Variants in ACACA observed in about 807,000 individuals in gnomAD.
ACACA encodes the protein acetyl-CoA carboxylase 1.
ACACA carries 103 observed loss-of-function variants against 296.1 expected under a neutral mutation model. The ratio of observed to expected loss-of-function variants is 0.35; its 90% CI spans 0.30 to 0.41. The LOEUF (loss-of-function observed/expected upper bound fraction) is 0.41. Ranked by LOEUF, ACACA falls within the 10% of genes least tolerant of loss-of-function variation. The probability of loss-of-function intolerance (pLI) is 1.00; values close to 1 mark genes in which losing one functional copy is unlikely to be tolerated. For missense variants in ACACA, 1,554 were observed against 2,989.7 expected, an observed-to-expected ratio of 0.52 and a Z score of 11.20; for synonymous variants, 953 against 1,038.6, an observed-to-expected ratio of 0.92 and a Z score of 1.58.
At chr17:37,296,273 T>C (rs1488991092) in intron 3 of ACACA, among the ~76,000 whole-genome samples, 2 of 148,984 alleles carry the variant, frequency 1.3e-5, no homozygotes, top group African/African-American at 5.0e-5. Context: ...CCTCACAGAG[T>C]GGAAGGGGAA....
chr17:37,181,701 C>T (rs2077325482), intron 39 of ACACA, among the ~76,000 whole-genome samples: 1 of 151,742 alleles, frequency 6.6e-6, no homozygotes, highest in African/African-American at 2.4e-5. Context: ...AGATCGAGAC[C>T]ATCCTGGCTA....
intron 40 of ACACA, 104 bp from the exon 41 acceptor site, chr17:37,179,510 G>GTTC: frequency 8.1e-7 from 1 of 1,239,010 alleles, no homozygotes; most frequent in Non-Finnish European, 1.2e-6. Context: ...TTTTCCAAGT[G>GTTC]TTCTGCAGAG....
In ACACA at chr17:37,097,959, C is replaced by T; in HGVS notation, c.6591G>A (p.Glu2197=). The change falls in exon 53 of 56, where the codon GAG becomes GAA. Residue 2197 remains glutamate, a synonymous_variant. Coordinates refer to ENST00000616317, the MANE Select transcript of ACACA (RefSeq NM_198834.3). This position sits in a 1 kb window ranked among gnomAD's most constrained non-coding sequence, Gnocchi z 4.8. The part of the protein sequence containing the change: ...RLGTPELSTA[E]RKELENKLKE... ...TCAACTTGTTCTCCAACTCCTTCCGCTCAGCTGTGCTTAGCTCTGGGGTCC... is the reference window on the plus strand; with the variant it reads ...TCAACTTGTTCTCCAACTCCTTCCGTTCAGCTGTGCTTAGCTCTGGGGTCC... 6.2e-6 allele frequency: 10 copies of T among 1,614,194 alleles called. No individual in the cohort carries two copies. Among genetic ancestry groups the T allele is most frequent in the Non-Finnish European group, 7.6e-6 (9 of 1,180,032 alleles).
intron 3 of ACACA, among the ~76,000 whole-genome samples, chr17:37,302,494 GCCA>G (rs1051530719): frequency 3.3e-5 from 5 of 152,060 alleles, no homozygotes; most frequent in African/African-American, 1.2e-4. Context: ...ACAGGCGTGA[GCCA>G]CCACACCCGG....
chr17:37,343,045 T>C (rs1387786293), intron 1 of ACACA, among the ~76,000 whole-genome samples: 1 of 152,172 alleles, frequency 6.6e-6, no homozygotes, highest in Admixed American at 6.5e-5. Context: ...TGGCACGATC[T>C]CAGCTCAATG....
chr17:37,167,644 G>A (rs1332450932), intron 41 of ACACA, among the ~76,000 whole-genome samples: 8 of 128,522 alleles, frequency 6.2e-5, no homozygotes, highest in African/African-American at 1.8e-4. Flanking sequence ...CTTTACTAGA[G>A]AAATTAAGGA....
At chr17:37,353,978 T>C (rs893004501) in intron 1 of ACACA, among the ~76,000 whole-genome samples, 2 of 152,122 alleles carry the variant, frequency 1.3e-5, no homozygotes, top group African/African-American at 4.8e-5. Flanking sequence ...CATGGTGACA[T>C]GTGCCTGCGA....
chr17:37,165,483 A>G (rs2076630429), intron 41 of ACACA, among the ~76,000 whole-genome samples: 1 of 152,160 alleles, frequency 6.6e-6, no homozygotes, highest in Admixed American at 6.5e-5. Context: ...TAAACACACT[A>G]TTAGAAGCAG....
chr17:37,320,380 G>A (rs565692516), intron 3 of ACACA, among the ~76,000 whole-genome samples: 127 of 150,926 alleles, frequency 8.4e-4, no homozygotes, highest in Non-Finnish European at 1.5e-3. Context: ...GCATGGTGGC[G>A]CACACCTGTT....
intron 1 of ACACA, among the ~76,000 whole-genome samples, chr17:37,400,428 A>G (rs776027803): frequency 6.6e-6 from 1 of 152,198 alleles, no homozygotes; most frequent in African/African-American, 2.4e-5. Context: ...CCTCAAGTAT[A>G]TATTTTTAAC....
intron 29 of ACACA, among the ~76,000 whole-genome samples, chr17:37,214,687 C>T (rs948321022): frequency 6.6e-6 from 1 of 152,186 alleles, no homozygotes; most frequent in Non-Finnish European, 1.5e-5. Flanking sequence ...AGCTGAGCCA[C>T]GGATACAGGA....
intron 1 of ACACA, among the ~76,000 whole-genome samples, chr17:37,352,465 C>A (rs947560676): frequency 2.6e-5 from 4 of 152,034 alleles, no homozygotes; most frequent in African/African-American, 9.7e-5. Context: ...ATAATCTCAA[C>A]ACTTTGGGAG....
chr17:37,252,251 T>C (rs2081029060), intron 15 of ACACA, 143 bp from the exon 16 acceptor site: 3 of 729,904 alleles, frequency 4.1e-6, no homozygotes, highest in Non-Finnish European at 7.4e-6. Context: ...ATTTTTTAGA[T>C]AAAAATGAAC....
At chr17:37,305,904 G>GTTTTTTTTT (rs200591761) in intron 3 of ACACA, among the ~76,000 whole-genome samples, 2 of 95,804 alleles carry the variant, frequency 2.1e-5, no homozygotes, top group Non-Finnish European at 4.4e-5. Flanking sequence ...TTTTTTTTTT[G>GTTTTTTTTT]TTTTTTTTTT....
chr17:37,283,500 C>A, intron 4 of ACACA, 95 bp from the exon 5 acceptor site: 1 of 1,448,448 alleles, frequency 6.9e-7, no homozygotes, highest in South Asian at 1.2e-5. Flanking sequence ...ATCTATCTTT[C>A]TGTGTAAAAG....
At chr17:37,381,919 A>G (rs112626895) in intron 1 of ACACA, among the ~76,000 whole-genome samples, 3,995 of 152,004 alleles carry the variant, frequency 0.026, 69 homozygotes, top group South Asian at 0.047. Flanking sequence ...GAGCCACTGC[A>G]CCCGGCCATG....
rs2081306163 is a variant in ACACA, at chr17:37,258,320, C to T, written c.1554G>A (p.Gly518=). Residue 518 remains glycine (G), a synonymous_variant, in exon 13 of 56, where the codon GGG becomes GGA. Transcript: ENST00000616317. ...YRIKDIRMMY[G]VSPWGDSPID... ...TGGGAGAATCACCCCAGGGAGATAC[C>T]CCATACATCATACGGATATCCTTGA... 1 of 1,613,790 alleles carries T rather than the reference C, an allele frequency of 6.2e-7. No individual in the cohort carries two copies. Among genetic ancestry groups the T allele is most frequent in the East Asian group, 2.2e-5 (1 of 44,890 alleles).
chr17:37,254,555 C>T (rs1005776086), intron 14 of ACACA, among the ~76,000 whole-genome samples: 3 of 152,120 alleles, frequency 2.0e-5, no homozygotes, highest in East Asian at 1.9e-4. Context: ...ATACTTAATA[C>T]ATTGTATTTT....
chr17:37,252,449 G>A (rs2081038900), intron 15 of ACACA, among the ~76,000 whole-genome samples: 1 of 152,090 alleles, frequency 6.6e-6, no homozygotes, highest in African/African-American at 2.4e-5. Context: ...ACGGTGTATA[G>A]CCAAAATTTG....
Sources: gnomAD v4.1 joint callset for allele counts (sites outside exome capture counted in the v4.1 genomes callset) on GRCh38, gnomAD v4.1.1 for gene constraint, Gnocchi (gnomAD v3.1) non-coding constraint, MANE v1.5 for transcripts, NCBI Gene and HGNC (gene_info 2026-07-23, HGNC 2026-07-21) for gene names.